The following SHC2 variants were observed in gnomAD, a reference collection of about 807,000 sequenced individuals.
The protein encoded by SHC2 is SHC adaptor protein 2.
In SHC2, 62 loss-of-function variants were observed where a neutral mutation model predicts 60.6. The ratio of observed to expected loss-of-function variants is 1.02; its 90% CI spans 0.83 to 1.26. The LOEUF (loss-of-function observed/expected upper bound fraction) is 1.26, where lower values mean the gene tolerates loss of function less well. Among genes scored for constraint, SHC2 ranks in the 50% most tolerant of loss-of-function variants. SHC2 has a pLI of 0.00. For synonymous variants in SHC2, 375 were observed against 372.4 expected, an observed-to-expected ratio of 1.01 and a Z score of -0.08; for missense variants, 873 against 822.2, an observed-to-expected ratio of 1.06 and a Z score of -0.76.
chr19:416,792 C>T lies in SHC2; in HGVS notation c.*536G>A, dbSNP rs1194963495. On this transcript the variant is annotated 3_prime_UTR_variant, in exon 13 of 13. Coordinates refer to ENST00000264554, the MANE Select transcript of SHC2 (RefSeq NM_012435.3). ...GGAGCAGCCTGGCTACCCCGAGATCCCAGGTGACCTCAAGGCTGCCTGCAC... is the reference window on the plus strand; with the variant it reads ...GGAGCAGCCTGGCTACCCCGAGATCTCAGGTGACCTCAAGGCTGCCTGCAC... The T allele has an allele frequency of 6.6e-6, 1 of 152,258 alleles. No homozygotes were observed. The highest frequency in any genetic ancestry group is 1.5e-5 in the Non-Finnish European group (1 of 68,062). The allele number at this position is 152,258 out of a possible 1,614,324, so 9.4% of individuals were successfully genotyped here.
In SHC2 at chr19:422,713, C is replaced by T; in HGVS notation, c.1310-257G>A. 1 of 411,410 alleles carries T rather than the reference C, an allele frequency of 2.4e-6. No individual in the cohort carries two copies. 25.5% of individuals were successfully genotyped at this position (411,410 alleles called of 1,614,324 possible). ...AAGCATGTACAAAGGGTAACAGCAG[C>T]TCTTTCTTTCAGAGGTTAACTCCTA... On this transcript the variant is annotated intron_variant, in intron 10 of 12. Coordinates refer to ENST00000264554, the MANE Select transcript of SHC2 (RefSeq NM_012435.3). This position sits in a 1 kb window ranked among gnomAD's most constrained non-coding sequence, Gnocchi z 5.0.
At position 419,304 on chromosome 19, in the gene SHC2, CGGGAAGATG is replaced by C. The variant is rs1974220050; in HGVS notation, c.1621-257_1621-249del. The C allele has an allele frequency of 8.8e-6, 4 of 456,924 alleles. No homozygotes were observed. The East Asian group carries it at 1.3e-4, about 15-fold the overall frequency. 28.3% of individuals were successfully genotyped at this position (456,924 alleles called of 1,614,324 possible). On this transcript the variant is annotated intron_variant, in intron 11 of 12. Coordinates refer to ENST00000264554, the MANE Select transcript of SHC2 (RefSeq NM_012435.3). ...CCTGTCGGGAGCTGAAAGGTGACCG[CGGGAAGATG>C]CGGCCAGGTCCCAGCCCTCAGAGCC...
chr19:418,577 G>A (rs898309188), intron 12 of SHC2, among the ~76,000 whole-genome samples: 25 of 152,236 alleles, frequency 1.6e-4, no homozygotes, highest in East Asian at 1.9e-4. Flanking sequence ...CCTGGAGGAC[G>A]TCACGCTCAG....
Position 436,684 on chromosome 19 carries a change from C to T in SHC2, c.721-1G>A. The T allele has an allele frequency of 6.2e-7, 1 of 1,604,596 alleles. No individual in the cohort carries two copies. The highest frequency in any genetic ancestry group is 1.3e-5 in the African/African-American group (1 of 75,022). ...ACGGCATGTGGTGGTTGGCGATGAC[C>T]TGTGGCGGCAGGAGGCACACGCGGT... On this transcript the variant is annotated splice_acceptor_variant, in intron 4 of 12. Transcript: ENST00000264554. LOFTEE classifies it high-confidence loss of function.
intron 7 of SHC2, chr19:435,837 A>T (rs1458829937): frequency 3.2e-6 from 1 of 310,832 alleles, no homozygotes; most frequent in East Asian, 5.9e-5. Flanking sequence ...CTGCGGTGAG[A>T]CGGAGGCCGT....
Position 446,274 on chromosome 19 carries a change from T to A in SHC2, c.469-5342A>T, listed in dbSNP as rs1394284998. 1.3e-5 allele frequency among the ~76,000 whole-genome samples: 2 copies of A among 152,060 alleles called. No individual in the cohort carries two copies. Among genetic ancestry groups the A allele is most frequent in the Non-Finnish European group, 2.9e-5 (2 of 68,022 alleles). On this transcript the variant is annotated intron_variant, in intron 1 of 12. Transcript: ENST00000264554. This position sits in a 1 kb window ranked among gnomAD's most constrained non-coding sequence, Gnocchi z 5.4. ...CCCCAGAACTGTGACAGAACAAGTC[T>A]ATGTTTGTGTGTGTGTGTGTTTTGT...
At chr19:454,732 G>A (rs1975293049) in intron 1 of SHC2, among the ~76,000 whole-genome samples, 1 of 152,166 alleles carries the variant, frequency 6.6e-6, no homozygotes, top group South Asian at 2.1e-4. Flanking sequence ...GGAGGTTGCG[G>A]TGAGCCGAGA....
intron 7 of SHC2, among the ~76,000 whole-genome samples, chr19:435,262 GA>G (rs1165472930): frequency 2.0e-5 from 3 of 152,258 alleles, no homozygotes; most frequent in African/African-American, 7.2e-5. Context: ...GCACTGGCAG[GA>G]ATTGATCCTG....
In SHC2 at chr19:454,772, A is replaced by G. The variant is rs182632328; in HGVS notation, c.468+5757T>C. Among the ~76,000 whole-genome samples the G allele has an allele frequency of 9.3e-3, 1,380 of 148,974 alleles. 14 individuals are homozygous for G. The highest frequency in any genetic ancestry group is 0.015 in the Non-Finnish European group (1,006 of 66,926). On this transcript the variant is annotated intron_variant, in intron 1 of 12. Coordinates refer to ENST00000264554, the MANE Select transcript of SHC2 (RefSeq NM_012435.3). ...GCCACGGCACTCCAGCCTCAGCAACAAGAGGGAAACTCTGTCTCAAAAAAA... is the reference window on the plus strand; with the variant it reads ...GCCACGGCACTCCAGCCTCAGCAACGAGAGGGAAACTCTGTCTCAAAAAAA...
rs1019235598 is a variant in SHC2, at chr19:440,729, G to A, written c.539+133C>T. 1.3e-6 allele frequency: 1 copy of A among 744,110 alleles called. No individual in the cohort carries two copies. The highest frequency in any genetic ancestry group is 1.7e-5 in the African/African-American group (1 of 58,584). 46.1% of individuals were successfully genotyped at this position (744,110 alleles called of 1,614,324 possible). ...AGACGTGGCGTGAAGTGGGAGGGAG[G>A]TGGGGGGCACCGAGGCTGCGTCCTG... On this transcript the variant is annotated intron_variant, in intron 2 of 12. Coordinates refer to ENST00000264554, the MANE Select transcript of SHC2 (RefSeq NM_012435.3). The surrounding 1 kb of genome is among the most constrained non-coding windows in gnomAD (Gnocchi z 7.0).
intron 8 of SHC2, among the ~76,000 whole-genome samples, chr19:431,023 C>T (rs895741609): frequency 6.6e-6 from 1 of 152,242 alleles, no homozygotes; most frequent in African/African-American, 2.4e-5. Flanking sequence ...GGATAACCTT[C>T]CCCGCTCTGC....
chr19:433,618 G>C (rs557395061), intron 8 of SHC2, among the ~76,000 whole-genome samples: 17 of 54,352 alleles, frequency 3.1e-4, no homozygotes, highest in African/African-American at 8.9e-4. Context: ...CGGGCAGATA[G>C]ATGGCGCTTC....
chr19:429,540 T>C (rs1974511388), intron 9 of SHC2, among the ~76,000 whole-genome samples: 1 of 148,264 alleles, frequency 6.7e-6, no homozygotes, highest in African/African-American at 2.5e-5. Flanking sequence ...ACGCAGTACC[T>C]ATATCCAACG....
At chr19:442,923 A>ATGGG in intron 1 of SHC2, among the ~76,000 whole-genome samples, 1 of 97,326 alleles carries the variant, frequency 1.0e-5, no homozygotes, top group Non-Finnish European at 2.0e-5. Flanking sequence ...GGGTGGGTGG[A>ATGGG]TGGGTGGATG....
intron 2 of SHC2, chr19:439,333 C>T (rs2145725109): frequency 4.2e-6 from 2 of 470,910 alleles, no homozygotes; most frequent in Non-Finnish European, 7.7e-6. Flanking sequence ...GCTCTGGCCC[C>T]TCTACCACCC....
rs1974374954 is a variant in SHC2 at position 425,025 on chromosome 19, G to A, written c.1309+72C>T. ...CCAGGGAATCCCGTAGGGAGTGGGG[G>A]TGGGGTTGTGCCTCCCCCATCAGAC... On this transcript the variant is annotated intron_variant, in intron 10 of 12. Coordinates refer to ENST00000264554, the MANE Select transcript of SHC2 (RefSeq NM_012435.3). The surrounding 1 kb of genome is among the most constrained non-coding windows in gnomAD (Gnocchi z 4.1). The A allele has an allele frequency of 2.3e-6, 3 of 1,312,308 alleles. No homozygotes were observed. The highest frequency in any genetic ancestry group is 6.0e-5 in the Admixed American group (2 of 33,218). 81.3% of individuals were successfully genotyped at this position (1,312,308 alleles called of 1,614,324 possible).
Position 445,991 on chromosome 19 carries a change from G to A in SHC2, c.469-5059C>T, listed in dbSNP as rs1975041709. Among the ~76,000 whole-genome samples the A allele has an allele frequency of 6.6e-6, 1 of 152,044 alleles. No homozygotes were observed. The highest frequency in any genetic ancestry group is 2.4e-5 in the African/African-American group (1 of 41,398). ...AATCATTTGAACCCAGGAGGCGGAGGCTGCAGAGAGCCAAGATCACGCCAC... is the reference window on the plus strand; with the variant it reads ...AATCATTTGAACCCAGGAGGCGGAGACTGCAGAGAGCCAAGATCACGCCAC... On this transcript the variant is annotated intron_variant, in intron 1 of 12. Transcript: ENST00000264554. This position sits in a 1 kb window ranked among gnomAD's most constrained non-coding sequence, Gnocchi z 4.4.
At chr19:439,980 G>A (rs982393113) in intron 2 of SHC2, among the ~76,000 whole-genome samples, 9 of 149,148 alleles carry the variant, frequency 6.0e-5, no homozygotes, top group Non-Finnish European at 1.0e-4. Context: ...GAGCCGACAC[G>A]GTGTCACTGC....
At chr19:417,837 C>T (rs540499996) in intron 12 of SHC2, among the ~76,000 whole-genome samples, 20 of 152,148 alleles carry the variant, frequency 1.3e-4, no homozygotes, top group East Asian at 3.9e-4. Flanking sequence ...GGGTGGAGGC[C>T]GCGGCCGCAT....
Sources: gnomAD v4.1 joint callset for allele counts (sites outside exome capture counted in the v4.1 genomes callset) on GRCh38, gnomAD v4.1.1 for gene constraint, Gnocchi (gnomAD v3.1) non-coding constraint, MANE v1.5 for transcripts, NCBI Gene and HGNC (gene_info 2026-07-23, HGNC 2026-07-21) for gene names.